The following MSR1 variants were observed in gnomAD, a reference collection of about 807,000 sequenced individuals.
MSR1 encodes macrophage scavenger receptor 1, also known as macrophage scavenger receptor types I and II.
In MSR1, 53 loss-of-function variants were observed where a neutral mutation model predicts 47.2. The ratio of observed to expected loss-of-function variants is 1.12; its 90% CI spans 0.90 to 1.41. The LOEUF is 1.41. MSR1 is among the 40% of genes most tolerant of loss of function. MSR1 has a pLI of 0.00. For missense variants in MSR1, 786 were observed against 546.9 expected, an observed-to-expected ratio of 1.44 and a Z score of -4.36; for synonymous variants, 239 against 185.6, an observed-to-expected ratio of 1.29 and a Z score of -2.34.
At chr8:16,186,201 T>A (rs1234937275) in intron 1 of MSR1, 1 of 1,535,460 alleles carries the variant, frequency 6.5e-7, no homozygotes, top group Non-Finnish European at 8.7e-7. Flanking sequence ...TGCACTGAGA[T>A]AGCACATCCA....
intron 8 of MSR1, among the ~76,000 whole-genome samples, chr8:16,137,248 G>T (rs1800412831): frequency 6.6e-6 from 1 of 152,042 alleles, no homozygotes; most frequent in Non-Finnish European, 1.5e-5. Flanking sequence ...ATCCTTAGGA[G>T]GGAGACTAGA....
chr8:16,131,319 T>C (rs1443959811), intron 8 of MSR1, among the ~76,000 whole-genome samples: 1 of 152,086 alleles, frequency 6.6e-6, no homozygotes, highest in Non-Finnish European at 1.5e-5. Context: ...CCTTTGCCTA[T>C]TTTTTGTCAG....
At chr8:16,189,296 C>T (rs186203829) in intron 1 of MSR1, among the ~76,000 whole-genome samples, 4,437 of 98,650 alleles carry the variant, frequency 0.045, 357 homozygotes, top group African/African-American at 0.19. Flanking sequence ...ATCTTATTTA[C>T]ATTTCATATA....
chr8:16,165,396 T>C (rs1481183077), intron 4 of MSR1, among the ~76,000 whole-genome samples: 1 of 152,152 alleles, frequency 6.6e-6, no homozygotes, highest in Non-Finnish European at 1.5e-5. Context: ...AGTCATTAAA[T>C]TTCTGACGAT....
At position 16,154,683 on chromosome 8, in the gene MSR1, A is replaced by G. The variant is rs542469958; in HGVS notation, c.898+381T>C. On this transcript the variant is annotated intron_variant, in intron 6 of 9. Transcript: ENST00000262101. ...TGCAAATGTGAAGATGATTTATTCA[A>G]CGCAAAGATAATTGTTGTACTCCCC... is the stretch of plus-strand genomic sequence containing the variant. Among the ~76,000 whole-genome samples, 12 of 152,110 alleles carry G rather than the reference A, an allele frequency of 7.9e-5. No individual in the cohort carries two copies. In the East Asian group the frequency reaches 1.7e-3, roughly 22 times the overall value.
intron 8 of MSR1, among the ~76,000 whole-genome samples, chr8:16,141,611 G>T (rs1800558536): frequency 6.6e-6 from 1 of 152,112 alleles, no homozygotes; most frequent in African/African-American, 2.4e-5. Flanking sequence ...TATATACTCT[G>T]CATGAGGAGG....
At chr8:16,143,705 T>A (rs910154822) in intron 7 of MSR1, 94 bp from the exon 8 acceptor site, 2 of 852,994 alleles carry the variant, frequency 2.3e-6, no homozygotes, top group African/African-American at 1.8e-5. Context: ...AATTAAAATA[T>A]AATAGAATGG....
At chr8:16,124,062 ACACT>A (rs1204031319) in intron 8 of MSR1, among the ~76,000 whole-genome samples, 1 of 152,092 alleles carries the variant, frequency 6.6e-6, no homozygotes, top group Non-Finnish European at 1.5e-5. Flanking sequence ...GACAGTTCTG[ACACT>A]CACCTAACTT....
At chr8:16,186,132 G>GCATAAAT in intron 1 of MSR1, 1 of 1,515,720 alleles carries the variant, frequency 6.6e-7, no homozygotes, top group Non-Finnish European at 8.9e-7. Flanking sequence ...GTCCCTGAGT[G>GCATAAAT]CATAAATGAA....
Position 16,109,444 on chromosome 8 carries a change from C to T in MSR1, c.*641G>A, listed in dbSNP as rs920472463. ...ACTGATGGTCAGTTTTCTCATATGT[C>T]CTGCTTTCAATTTACTTCATGATTC... On this transcript the variant is annotated 3_prime_UTR_variant, in exon 10 of 10. Transcript: ENST00000262101. 1 of 152,414 alleles carries T rather than the reference C, an allele frequency of 6.6e-6. No individual in the cohort carries two copies. Among genetic ancestry groups the T allele is most frequent in the South Asian group, 2.1e-4 (1 of 4,858 alleles). The allele number at this position is 152,414 out of a possible 1,614,324, so 9.4% of individuals were successfully genotyped here.
At chr8:16,185,190 T>C (rs1801960453) in intron 1 of MSR1, among the ~76,000 whole-genome samples, 1 of 152,020 alleles carries the variant, frequency 6.6e-6, no homozygotes, top group Non-Finnish European at 1.5e-5. Context: ...TCAGAGATAA[T>C]GAAGCCATAG....
intron 9 of MSR1, among the ~76,000 whole-genome samples, chr8:16,111,658 T>C (rs1031386547): frequency 6.6e-6 from 1 of 152,166 alleles, no homozygotes; most frequent in South Asian, 2.1e-4. Flanking sequence ...TCACGAATGT[T>C]AGAATACCAA....
At chr8:16,188,208 T>A (rs1439209265) in intron 1 of MSR1, among the ~76,000 whole-genome samples, 1 of 152,168 alleles carries the variant, frequency 6.6e-6, no homozygotes, top group Non-Finnish European at 1.5e-5. Context: ...AGGAAATTCA[T>A]AATGAAAGAA....
chr8:16,188,526 G>C (rs1471389036), intron 1 of MSR1, among the ~76,000 whole-genome samples: 1 of 151,850 alleles, frequency 6.6e-6, no homozygotes, highest in Non-Finnish European at 1.5e-5. Flanking sequence ...TAGGTTCTGG[G>C]ATACACGTGC....
intron 8 of MSR1, among the ~76,000 whole-genome samples, chr8:16,143,198 T>G (rs1311565307): frequency 1.3e-5 from 2 of 152,140 alleles, no homozygotes; most frequent in African/African-American, 4.8e-5. Context: ...TTCTTATATT[T>G]AAGGTTTCAT....
intron 8 of MSR1, among the ~76,000 whole-genome samples, chr8:16,128,233 C>G (rs911699831): frequency 2.6e-5 from 4 of 152,108 alleles, no homozygotes; most frequent in Non-Finnish European, 5.9e-5. Flanking sequence ...ATTCTTGATA[C>G]CTTCCTATTA....
At position 16,149,286 on chromosome 8, in the gene MSR1, G is replaced by T. The variant is rs561049291; in HGVS notation, c.979+945C>A. Among the ~76,000 whole-genome samples the T allele has an allele frequency of 1.4e-4, 22 of 152,202 alleles. 1 individual carries two copies. Among genetic ancestry groups the T allele is most frequent in the Admixed American group, 5.2e-4 (8 of 15,266 alleles). ...GACCATGTGTGCATGGGTGGTTTAT[G>T]GGAACTCTCTATGCTTTCTGTGCAG... On this transcript the variant is annotated intron_variant, in intron 7 of 9. Transcript: ENST00000262101.
chr8:16,115,148 C>T (rs1799849328), intron 9 of MSR1, among the ~76,000 whole-genome samples: 1 of 152,012 alleles, frequency 6.6e-6, no homozygotes, highest in African/African-American at 2.4e-5. Flanking sequence ...CACTGCACTC[C>T]AGCCTGGGCA....
rs555784748 is a variant in MSR1 at position 16,185,535 on chromosome 8, C to G, written c.-5+7063G>C. ...TGTGATATAGTTAGGAATATGCCGG[C>G]AAAGCACAGTCACGCAATCTGAGCC... On this transcript the variant is annotated intron_variant, in intron 1 of 9. Transcript: ENST00000262101. Among the ~76,000 whole-genome samples, 13 of 152,216 alleles carry G rather than the reference C, an allele frequency of 8.5e-5. No homozygotes were observed. The East Asian group carries it at 2.5e-3, about 29-fold the overall frequency.
Sources: allele counts gnomAD v4.1 joint callset (sites outside exome capture counted in the v4.1 genomes callset), GRCh38; gene constraint gnomAD v4.1.1; transcripts MANE v1.5; gene names NCBI Gene and HGNC (gene_info 2026-07-23, HGNC 2026-07-21).